Variants in NAAA observed in about 807,000 individuals in gnomAD.
NAAA encodes N-acylethanolamine acid amidase, also known as N-acylethanolamine-hydrolyzing acid amidase.
NAAA carries 39 observed loss-of-function variants against 44.8 expected under a neutral mutation model. The ratio of observed to expected loss-of-function variants is 0.87; its 90% confidence interval spans 0.67 to 1.14. NAAA has a LOEUF of 1.14. Ranked by LOEUF, NAAA falls within the 50% of genes most tolerant of loss-of-function variation. The pLI, the probability that NAAA is intolerant of heterozygous loss-of-function variation, is 0.00. For missense variants in NAAA, 460 were observed against 467.8 expected, an observed-to-expected ratio of 0.98 and a Z score of 0.15; for synonymous variants, 178 against 191.3, an observed-to-expected ratio of 0.93 and a Z score of 0.58.
In NAAA at chr4:75,940,151, T is replaced by C. The variant is rs200023694; in HGVS notation, c.221A>G (p.Lys74Arg). ...MAQVIGDRVP[K>R]WVHVLIGKVV... ...TTTTCCGATTAACACGTGCACCCAC[T>C]TGGGGACTCTGTCCCTAGAAACAAA... is the stretch of plus-strand genomic sequence containing the variant. The change falls in exon 2 of 11, where the codon AAG (lysine) becomes AGG (arginine). Residue 74 changes from lysine (K) to arginine (R), a missense_variant. Lys to Arg is a conservative substitution (Grantham distance 26). Coordinates refer to ENST00000286733, the MANE Select transcript of NAAA (RefSeq NM_014435.4). 340 of 1,613,746 alleles carry C rather than the reference T, an allele frequency of 2.1e-4. No individual in the cohort carries two copies. The African/African-American group carries it at 3.7e-3, about 17-fold the overall frequency.
chr4:75,918,689 G>T, intron 9 of NAAA, 72 bp downstream of exon 9: 1 of 1,529,380 alleles, frequency 6.5e-7, no homozygotes, highest in Non-Finnish European at 9.1e-7. Flanking sequence ...TCCTTGCTGA[G>T]CCAAACAGTA....
chr4:75,917,172 G>A (rs760235703), intron 9 of NAAA: 1 of 766,720 alleles, frequency 1.3e-6, no homozygotes, highest in Non-Finnish European at 1.6e-6. Flanking sequence ...TATTAAAAGG[G>A]CAACATTGTG....
chr4:75,926,172 C>A (rs1250658633), intron 4 of NAAA, among the ~76,000 whole-genome samples: 2 of 151,940 alleles, frequency 1.3e-5, no homozygotes, highest in Non-Finnish European at 2.9e-5. Context: ...GATTCATTGC[C>A]AAACAAAAGT....
At chr4:75,925,000 T>TG (rs1404672736) in intron 5 of NAAA, among the ~76,000 whole-genome samples, 5 of 151,910 alleles carry the variant, frequency 3.3e-5, no homozygotes, top group Non-Finnish European at 7.4e-5. Context: ...AACTTCATTT[T>TG]TTTTTTTTGA....
In NAAA at chr4:75,931,226, C is replaced by T. The variant is rs1200466859; in HGVS notation, c.577G>A (p.Gly193Ser). The T allele has an allele frequency of 8.1e-6, 13 of 1,612,180 alleles. No homozygotes were observed. In the Admixed American group the frequency reaches 2.2e-4, roughly 27 times the overall value. ...GQSPHKFTVS[G>S]DERDKGWWWE... ...TTGTTTTGATTACCTCGTTCATCAC[C>T]AGAAACTGTAAACTTGTGTGGGCTC... Residue 193 changes from glycine to serine, a missense_variant, in exon 4 of 11, where the codon GGT (glycine) becomes AGT (serine). Coordinates refer to ENST00000286733, the MANE Select transcript of NAAA (RefSeq NM_014435.4).
At chr4:75,913,216 T>C (rs1725401563), downstream of NAAA, among the ~76,000 whole-genome samples, 1 of 152,114 alleles carries the variant, frequency 6.6e-6, no homozygotes, top group Non-Finnish European at 1.5e-5. Context: ...GTAGATTCAC[T>C]GAGCACCAAT....
downstream of NAAA, among the ~76,000 whole-genome samples, chr4:75,911,713 C>T (rs1725331426): frequency 6.6e-6 from 1 of 152,156 alleles, no homozygotes; most frequent in Non-Finnish European, 1.5e-5. Flanking sequence ...TAGTGATGTT[C>T]TCTACAGGAA....
At chr4:75,940,351 C>CG in intron 1 of NAAA, 186 bp from the exon 2 acceptor site, 2 of 221,750 alleles carry the variant, frequency 9.0e-6, no homozygotes, top group Non-Finnish European at 1.7e-5. Flanking sequence ...GGGAAGGGGG[C>CG]GGGGGGAAGG....
chr4:75,931,212 A>G lies in NAAA; in HGVS notation c.589+2T>C. On this transcript the variant is annotated splice_donor_variant, in intron 4 of 10. Transcript: ENST00000286733. LOFTEE classifies it high-confidence loss of function. Reference sequence around the variant, plus strand: ...AATTACACAGGGGTTTGTTTTGATTACCTCGTTCATCACCAGAAACTGTAA... The same window carrying G: ...AATTACACAGGGGTTTGTTTTGATTGCCTCGTTCATCACCAGAAACTGTAA... 1 of 1,610,878 alleles carries G rather than the reference A, an allele frequency of 6.2e-7. No individual in the cohort carries two copies. Among genetic ancestry groups the G allele is most frequent in the Non-Finnish European group, 8.5e-7 (1 of 1,177,506 alleles).
At chr4:75,913,162 C>T (rs1725399136), downstream of NAAA, among the ~76,000 whole-genome samples, 1 of 152,092 alleles carries the variant, frequency 6.6e-6, no homozygotes, top group South Asian at 2.1e-4. Context: ...GAGATAAATG[C>T]ATCATTGACT....
downstream of NAAA, among the ~76,000 whole-genome samples, chr4:75,911,836 A>G (rs1010792589): frequency 2.0e-5 from 3 of 152,196 alleles, no homozygotes; most frequent in African/African-American, 7.2e-5. Context: ...CATAATCCTA[A>G]TCTCATAGCC....
chr4:75,940,611 G>A (rs1728181298), intron 1 of NAAA, 133 bp downstream of exon 1: 2 of 1,047,744 alleles, frequency 1.9e-6, no homozygotes, highest in African/African-American at 1.6e-5. Context: ...TGCTCAGGGC[G>A]GCAGCCAAAA....
chr4:75,939,579 C>A (rs755810799), intron 2 of NAAA, among the ~76,000 whole-genome samples: 3 of 151,874 alleles, frequency 2.0e-5, no homozygotes, highest in Non-Finnish European at 2.9e-5. Context: ...CCACGCCTGG[C>A]TAATTTTTTG....
At chr4:75,937,235 A>G (rs930774699) in intron 2 of NAAA, among the ~76,000 whole-genome samples, 22 of 152,308 alleles carry the variant, frequency 1.4e-4, no homozygotes, top group Middle Eastern at 3.4e-3. Flanking sequence ...CCTGGCCAAC[A>G]TAGTGAAACC....
intron 2 of NAAA, among the ~76,000 whole-genome samples, chr4:75,939,413 A>AT (rs1728020794): frequency 7.3e-6 from 1 of 137,234 alleles, no homozygotes; most frequent in Non-Finnish European, 1.6e-5. Context: ...TTTTGAGCAG[A>AT]ATTTTTTTTT....
chr4:75,925,674 C>T (rs1726609411), intron 5 of NAAA, 61 bp downstream of exon 5: 1 of 1,501,710 alleles, frequency 6.7e-7, no homozygotes, highest in Admixed American at 1.7e-5. Flanking sequence ...TGTTAAATGA[C>T]ACAGAACAGT....
chr4:75,921,258 T>A, intron 5 of NAAA, 135 bp from the exon 6 acceptor site: 1 of 820,800 alleles, frequency 1.2e-6, no homozygotes, highest in South Asian at 2.3e-5. Context: ...TCTGACCTTA[T>A]CCTCTTGTTA....
chr4:75,921,141 C>A lies in NAAA; in HGVS notation c.667-18G>T. ...CTCAGGGTCTGAACGAAAGGATGAA[C>A]TTGCGTGAGCAACCCCACCTGCAGT... On this transcript the variant is annotated intron_variant, in intron 5 of 10. Coordinates refer to ENST00000286733, the MANE Select transcript of NAAA (RefSeq NM_014435.4). 1 of 1,551,518 alleles carries A rather than the reference C, an allele frequency of 6.4e-7. No individual in the cohort carries two copies. Among genetic ancestry groups the A allele is most frequent in the Non-Finnish European group, 8.7e-7 (1 of 1,154,822 alleles).
intron 8 of NAAA, 195 bp downstream of exon 8, chr4:75,919,714 G>C: frequency 1.6e-6 from 1 of 612,372 alleles, no homozygotes. Context: ...TCCTGACCTC[G>C]TGATCTGCCT....
Sources: allele counts gnomAD v4.1 joint callset (sites outside exome capture counted in the v4.1 genomes callset), GRCh38; gene constraint gnomAD v4.1.1; transcripts MANE v1.5; gene names NCBI Gene and HGNC (gene_info 2026-07-23, HGNC 2026-07-21).